INTS7: variants seen among roughly 807,000 people sequenced by gnomAD.
INTS7 encodes integrator complex subunit 7, also known as chromosome 1 open reading frame 73.
A neutral mutation model predicts 109.2 loss-of-function variants in INTS7; 46 were observed. The ratio of observed to expected loss-of-function variants is 0.42; its 90% confidence interval spans 0.33 to 0.54. INTS7 has a LOEUF of 0.54. Ranked by LOEUF, INTS7 falls within the 20% of genes least tolerant of loss-of-function variation. The pLI is 0.07. For missense variants in INTS7, 929 were observed against 1,132.4 expected (o/e 0.82, Z 2.58); for synonymous variants, 412 against 402.9 (o/e 1.02, Z -0.27).
At chr1:212,001,404 C>T (rs375836922) in intron 7 of INTS7, among the ~76,000 whole-genome samples, 3 of 151,900 alleles carry the variant, frequency 2.0e-5, no homozygotes, top group Admixed American at 6.6e-5. Context: ...TCATGGGTTC[C>T]GCATCCACTG....
At chr1:211,991,571 A>C (rs1464050345) in intron 7 of INTS7, among the ~76,000 whole-genome samples, 2 of 152,244 alleles carry the variant, frequency 1.3e-5, no homozygotes, top group South Asian at 2.1e-4. Flanking sequence ...TTGGCATTTA[A>C]AAAACTGAAT....
intron 16 of INTS7, among the ~76,000 whole-genome samples, chr1:211,961,693 T>C (rs1421752820): frequency 1.3e-5 from 2 of 152,160 alleles, no homozygotes; most frequent in Admixed American, 6.5e-5. Flanking sequence ...CCTCCCAAAG[T>C]GCTAGGATTA....
chr1:211,952,081 TTC>T (rs1472423710), intron 17 of INTS7, among the ~76,000 whole-genome samples: 5 of 152,198 alleles, frequency 3.3e-5, no homozygotes, highest in African/African-American at 7.2e-5. Flanking sequence ...GCCCTGTTCT[TTC>T]TGTTTCAATT....
chr1:211,969,207 C>T (rs1246536041), intron 13 of INTS7, among the ~76,000 whole-genome samples: 2 of 151,302 alleles, frequency 1.3e-5, no homozygotes, highest in African/African-American at 2.4e-5. Context: ...ATGGCGTGAA[C>T]CCGGGAGGCG....
chr1:211,958,764 C>G (rs574951905), intron 16 of INTS7, among the ~76,000 whole-genome samples: 2 of 152,016 alleles, frequency 1.3e-5, no homozygotes, highest in Non-Finnish European at 2.9e-5. Context: ...TGATTATATT[C>G]TCTTTGAGGA....
At chr1:212,026,986 T>C (rs974006161) in intron 1 of INTS7, among the ~76,000 whole-genome samples, 11 of 152,232 alleles carry the variant, frequency 7.2e-5, no homozygotes, top group Admixed American at 4.6e-4. Context: ...AGAGAATGTT[T>C]TGATTTATCT....
At chr1:211,962,111 G>T (rs1663657531) in intron 16 of INTS7, among the ~76,000 whole-genome samples, 2 of 151,808 alleles carry the variant, frequency 1.3e-5, no homozygotes, top group South Asian at 4.2e-4. Context: ...AAAACTCAAT[G>T]GTATGCCAAG....
At chr1:211,971,858 G>T (rs958544499) in intron 13 of INTS7, among the ~76,000 whole-genome samples, 1 of 141,680 alleles carries the variant, frequency 7.1e-6, no homozygotes, top group African/African-American at 2.6e-5. Context: ...GGAGGTTGCA[G>T]TGAGCCAAGA....
intron 1 of INTS7, 80 bp from the exon 2 acceptor site, chr1:212,021,292 T>C: frequency 8.6e-7 from 1 of 1,163,348 alleles, no homozygotes. Flanking sequence ...AAATATAATT[T>C]ACTAGATAGT....
At chr1:211,943,948 C>G (rs1202078581) in intron 19 of INTS7, among the ~76,000 whole-genome samples, 1 of 152,186 alleles carries the variant, frequency 6.6e-6, no homozygotes, top group Non-Finnish European at 1.5e-5. Context: ...AAGGAACATT[C>G]TTTATCTCGA....
At chr1:212,026,597 T>C (rs971215935) in intron 1 of INTS7, among the ~76,000 whole-genome samples, 1 of 151,974 alleles carries the variant, frequency 6.6e-6, no homozygotes, top group South Asian at 2.1e-4. Flanking sequence ...AAGCCTGATA[T>C]GAAAAACGGG....
At chr1:212,034,117 C>CT (rs139786473) in intron 1 of INTS7, among the ~76,000 whole-genome samples, 53 of 149,066 alleles carry the variant, frequency 3.6e-4, no homozygotes, top group East Asian at 1.6e-3. Context: ...TAGTATTATA[C>CT]TTTTTTTTTT....
intron 4 of INTS7, among the ~76,000 whole-genome samples, chr1:212,016,147 A>G (rs1432353725): frequency 6.6e-6 from 1 of 152,230 alleles, no homozygotes; most frequent in African/African-American, 2.4e-5. Context: ...TGTTGTTACA[A>G]GTAACACTAC....
At chr1:211,966,925 A>C (rs1356561641) in intron 15 of INTS7, among the ~76,000 whole-genome samples, 2 of 152,166 alleles carry the variant, frequency 1.3e-5, no homozygotes, top group East Asian at 1.9e-4. Flanking sequence ...AGAGGTTCCT[A>C]ATCTAGTGCT....
intron 19 of INTS7, among the ~76,000 whole-genome samples, chr1:211,944,321 T>C (rs1387451820): frequency 6.6e-6 from 1 of 152,176 alleles, no homozygotes; most frequent in Non-Finnish European, 1.5e-5. Context: ...TGAGTCTTGC[T>C]GATGGGTGAC....
chr1:211,991,468 G>C (rs1665142392), intron 7 of INTS7, among the ~76,000 whole-genome samples: 1 of 152,232 alleles, frequency 6.6e-6, no homozygotes, highest in African/African-American at 2.4e-5. Flanking sequence ...GGTTGCCACT[G>C]GGCAAAGGAG....
At chr1:211,980,094 A>T (rs1664590467) in intron 10 of INTS7, among the ~76,000 whole-genome samples, 1 of 152,106 alleles carries the variant, frequency 6.6e-6, no homozygotes, top group African/African-American at 2.4e-5. Flanking sequence ...ATTTGCTTTT[A>T]AAAAAAGTCT....
chr1:211,956,532 A>C (rs1414800396), intron 16 of INTS7, among the ~76,000 whole-genome samples: 4 of 152,188 alleles, frequency 2.6e-5, no homozygotes, highest in African/African-American at 9.7e-5. Context: ...CTTTGCACAA[A>C]GTTATTCTTC....
intron 13 of INTS7, among the ~76,000 whole-genome samples, chr1:211,971,639 G>A (rs537716268): frequency 5.3e-5 from 8 of 152,230 alleles, no homozygotes; most frequent in East Asian, 1.9e-4. Flanking sequence ...AGAAAGGGCC[G>A]GGCATTGGGC....
Sources: allele counts gnomAD v4.1 joint callset (sites outside exome capture counted in the v4.1 genomes callset), GRCh38; gene constraint gnomAD v4.1.1; transcripts MANE v1.5; gene names NCBI Gene and HGNC (gene_info 2026-07-23, HGNC 2026-07-21).